Variants in TRIM24 observed in about 807,000 individuals in gnomAD.
The protein encoded by TRIM24 is tripartite motif containing 24.
A neutral mutation model predicts 123.9 loss-of-function variants in TRIM24; 29 were observed. The ratio of observed to expected loss-of-function variants is 0.23; its 90% CI spans 0.17 to 0.32. The LOEUF (loss-of-function observed/expected upper bound fraction) is 0.32. Ranked by LOEUF, TRIM24 falls within the 10% of genes least tolerant of loss-of-function variation. TRIM24 has a pLI of 1.00. For synonymous variants in TRIM24, 456 were observed against 461.1 expected, an observed-to-expected ratio of 0.99 and a Z score of 0.14; for missense variants, 932 against 1,295.3, an observed-to-expected ratio of 0.72 and a Z score of 4.31.
chr7:138,586,308 T>C lies in TRIM24; in HGVS notation c.*1357T>C, dbSNP rs1051953020. On this transcript the variant is annotated 3_prime_UTR_variant, in exon 19 of 19. Transcript: ENST00000343526. ...ATTAACTGGAGTAAATTTTTCTCCT[T>C]AGGATGATAGAATAAAAAGAGCTCA... is the stretch of plus-strand genomic sequence containing the variant. The C allele has an allele frequency of 6.3e-6, 1 of 158,632 alleles. No individual in the cohort carries two copies. The highest frequency in any genetic ancestry group is 1.4e-5 in the Non-Finnish European group (1 of 71,748). The allele number at this position is 158,632 out of a possible 1,614,324, so 9.8% of individuals were successfully genotyped here.
chr7:138,527,850 C>T (rs1355468085), intron 5 of TRIM24, among the ~76,000 whole-genome samples: 2 of 152,216 alleles, frequency 1.3e-5, no homozygotes, highest in East Asian at 3.9e-4. Flanking sequence ...TCATACCCAG[C>T]GGATTAATAT....
At chr7:138,567,337 C>A in intron 9 of TRIM24, 144 bp from the exon 10 acceptor site, 1 of 695,982 alleles carries the variant, frequency 1.4e-6, no homozygotes, top group Non-Finnish European at 2.1e-6. Context: ...CATCCCCCAC[C>A]CCTCATTCCC....
intron 1 of TRIM24, among the ~76,000 whole-genome samples, chr7:138,481,429 T>G (rs1795523592): frequency 6.6e-6 from 1 of 152,182 alleles, no homozygotes; most frequent in Non-Finnish European, 1.5e-5. Flanking sequence ...CGCTATCTTC[T>G]TCCATTCTGT....
At chr7:138,576,241 C>A in intron 12 of TRIM24, 132 bp from the exon 13 acceptor site, 1 of 843,320 alleles carries the variant, frequency 1.2e-6, no homozygotes, top group Non-Finnish European at 1.9e-6. Flanking sequence ...GAAAATTCAG[C>A]AACTACTTAC....
rs1165005338 is a variant in TRIM24, at chr7:138,478,150, A to G, written c.364+17238A>G. On this transcript the variant is annotated intron_variant, in intron 1 of 18. Coordinates refer to ENST00000343526, the MANE Select transcript of TRIM24 (RefSeq NM_015905.3). ...AAATTATAAATTTGTTGGAAAACTAATAGAAATAAATGTCAGGAGGATAAG... is the reference window on the plus strand; with the variant it reads ...AAATTATAAATTTGTTGGAAAACTAGTAGAAATAAATGTCAGGAGGATAAG... 2.6e-5 allele frequency among the ~76,000 whole-genome samples: 4 copies of G among 152,204 alleles called. No homozygotes were observed. The East Asian group carries it at 7.7e-4, about 29-fold the overall frequency.
At chr7:138,505,506 G>GTT (rs759068702) in intron 2 of TRIM24, among the ~76,000 whole-genome samples, 13 of 50,176 alleles carry the variant, frequency 2.6e-4, no homozygotes, top group African/African-American at 4.2e-4. Flanking sequence ...TTTTGGGGGT[G>GTT]GTGGTTGTTG....
At chr7:138,529,051 A>C (rs1032179549) in intron 5 of TRIM24, 65 bp from the exon 6 acceptor site, 10 of 1,004,834 alleles carry the variant, frequency 1.0e-5, no homozygotes, top group African/African-American at 1.7e-5. Context: ...TTTAGACATT[A>C]AAACGTCAAT....
In TRIM24 at chr7:138,559,501, A is replaced by G. The variant is rs543217826; in HGVS notation, c.1530+4535A>G. 2.0e-5 allele frequency among the ~76,000 whole-genome samples: 3 copies of G among 152,318 alleles called. No individual in the cohort carries two copies. The East Asian group carries it at 5.8e-4, about 29-fold the overall frequency. ...GCTATTGGACCTAAGAATTCTAACC[A>G]CATTTACTTCCCTGATGGTGCTCAC... On this transcript the variant is annotated intron_variant, in intron 9 of 18. Transcript: ENST00000343526.
chr7:138,540,774 A>G (rs10261219), intron 7 of TRIM24, among the ~76,000 whole-genome samples: 1,991 of 152,290 alleles, frequency 0.013, 35 homozygotes, highest in African/African-American at 0.045. Context: ...TTTTTAATTT[A>G]CTTTGCCCAG....
At chr7:138,576,059 G>T (rs1464795936) in intron 12 of TRIM24, among the ~76,000 whole-genome samples, 1 of 152,098 alleles carries the variant, frequency 6.6e-6, no homozygotes, top group Admixed American at 6.6e-5. Flanking sequence ...ACCCCAAGCT[G>T]GGAAGTATAG....
In TRIM24 at chr7:138,519,204, C is replaced by G; in HGVS notation, c.647C>G (p.Thr216Ser). 1 of 1,614,098 alleles carries G rather than the reference C, an allele frequency of 6.2e-7. No homozygotes were observed. The highest frequency in any genetic ancestry group is 8.5e-7 in the Non-Finnish European group (1 of 1,179,996). ...GTTTCTGCAGAGGCAGTTGGTGTCA[C>G]CAGCCAGCGACCAGTGTTTTGTCCT... Reference protein sequence around the residue: ...EEVSPEAVGVTSQRPVFCPFH... With the variant: ...EEVSPEAVGVSSQRPVFCPFH... The change falls in exon 4 of 19, where the codon ACC becomes AGC. Residue 216 changes from threonine (T) to serine (S), a missense_variant. Around this residue, in one of 7 missense-constraint regions of TRIM24, gnomAD observed 74 missense variants for 163.6 expected, o/e 0.45. Transcript: ENST00000343526.
At chr7:138,502,943 G>A (rs1489261298) in intron 1 of TRIM24, among the ~76,000 whole-genome samples, 1 of 151,968 alleles carries the variant, frequency 6.6e-6, no homozygotes, top group Admixed American at 6.6e-5. Context: ...TGTATTCCAA[G>A]ATCACAAAGA....
intron 9 of TRIM24, chr7:138,556,489 A>C (rs2116639727): frequency 6.6e-6 from 1 of 152,332 alleles, no homozygotes; most frequent in Middle Eastern, 3.4e-3. Context: ...ACAGTGTCAA[A>C]GTTTCAGGTG....
chr7:138,558,934 C>G (rs1431934653), intron 9 of TRIM24, among the ~76,000 whole-genome samples: 2 of 152,202 alleles, frequency 1.3e-5, no homozygotes, highest in African/African-American at 4.8e-5. Flanking sequence ...ACGGGGCACA[C>G]ATTTTTGCTT....
intron 2 of TRIM24, among the ~76,000 whole-genome samples, chr7:138,511,915 C>T (rs1796296000): frequency 6.6e-6 from 1 of 152,178 alleles, no homozygotes; most frequent in South Asian, 2.1e-4. Context: ...CAAGACAAGT[C>T]TCTTCTCCCT....
chr7:138,466,371 G>GAAT (rs766181180), intron 1 of TRIM24, among the ~76,000 whole-genome samples: 117 of 150,740 alleles, frequency 7.8e-4, no homozygotes, highest in Non-Finnish European at 9.2e-4. Flanking sequence ...TTTCTCTGAT[G>GAAT]AATAATGATG....
chr7:138,548,077 T>G (rs1797136585), intron 7 of TRIM24, among the ~76,000 whole-genome samples: 1 of 152,038 alleles, frequency 6.6e-6, no homozygotes, highest in Non-Finnish European at 1.5e-5. Flanking sequence ...ATGGAGCAGG[T>G]TATAGGAAGA....
At chr7:138,571,741 T>A (rs2116672470) in intron 11 of TRIM24, among the ~76,000 whole-genome samples, 1 of 152,344 alleles carries the variant, frequency 6.6e-6, no homozygotes, top group Non-Finnish European at 1.5e-5. Context: ...AAATGATTTT[T>A]ATTTTTAATA....
intron 5 of TRIM24, among the ~76,000 whole-genome samples, chr7:138,526,965 C>T (rs1305255786): frequency 6.6e-6 from 1 of 151,910 alleles, no homozygotes; most frequent in Non-Finnish European, 1.5e-5. Flanking sequence ...AAACATCTGC[C>T]CTTAATGAAA....
Sources: allele counts gnomAD v4.1 joint callset (sites outside exome capture counted in the v4.1 genomes callset), GRCh38; gene constraint gnomAD v4.1.1; regional missense constraint gnomAD v4.1.1; transcripts MANE v1.5; gene names NCBI Gene and HGNC (gene_info 2026-07-23, HGNC 2026-07-21).